The following NKAIN3 variants were observed in gnomAD, a reference collection of about 807,000 sequenced individuals.
NKAIN3 encodes sodium/potassium-transporting ATPase subunit beta-1-interacting protein 3.
A neutral mutation model predicts 30.2 loss-of-function variants in NKAIN3; 25 were observed. That is an observed-to-expected ratio of 0.83 (90% CI 0.60 to 1.16). The LOEUF is 1.16. Among genes scored for constraint, NKAIN3 ranks in the 50% most tolerant of loss-of-function variants. NKAIN3 has a pLI of 0.00. For synonymous variants in NKAIN3, 91 were observed against 89.6 expected, an observed-to-expected ratio of 1.02 and a Z score of -0.09; for missense variants, 225 against 254.1, an observed-to-expected ratio of 0.89 and a Z score of 0.78.
In NKAIN3 at chr8:62,967,066, A is replaced by G. The variant is rs1823731405; in HGVS notation, c.*1659A>G. Among the ~76,000 whole-genome samples, 1 of 152,022 alleles carries G rather than the reference A, an allele frequency of 6.6e-6. No homozygotes were observed. The highest frequency in any genetic ancestry group is 1.5e-5 in the Non-Finnish European group (1 of 68,016). On this transcript the variant is annotated 3_prime_UTR_variant, in exon 7 of 7. Coordinates refer to ENST00000623646, the MANE Select transcript of NKAIN3 (RefSeq NM_001304533.3). Reference sequence around the variant, plus strand: ...CCCTTTAATCCATTGGTACCCACAAACTCCCATTACTTTTTTTTCTGCTTA... The same window carrying G: ...CCCTTTAATCCATTGGTACCCACAAGCTCCCATTACTTTTTTTTCTGCTTA...
chr8:62,777,288 C>G (rs1817221908), intron 4 of NKAIN3, among the ~76,000 whole-genome samples: 1 of 152,014 alleles, frequency 6.6e-6, no homozygotes, highest in East Asian at 1.9e-4. Context: ...ACTTTTTAAC[C>G]CTATCTCTCT....
At chr8:62,321,897 G>A (rs140332226) in intron 1 of NKAIN3, among the ~76,000 whole-genome samples, 56 of 152,264 alleles carry the variant, frequency 3.7e-4, no homozygotes, top group Middle Eastern at 3.4e-3. Context: ...TTTCTACTGC[G>A]TTTTGTTTGG....
In NKAIN3 at chr8:62,912,796, C is replaced by A. The variant is rs536520670; in HGVS notation, c.472-5657C>A. On this transcript the variant is annotated intron_variant, in intron 4 of 6. Coordinates refer to ENST00000623646, the MANE Select transcript of NKAIN3 (RefSeq NM_001304533.3). ...TGGTGGTGCATGCCTGTAATCCCAGCGACTCGGGAGGCTGAGGCAGGAGAA... is the reference window on the plus strand; with the variant it reads ...TGGTGGTGCATGCCTGTAATCCCAGAGACTCGGGAGGCTGAGGCAGGAGAA... Among the ~76,000 whole-genome samples, 9 of 152,096 alleles carry A rather than the reference C, an allele frequency of 5.9e-5. No individual in the cohort carries two copies. The East Asian group carries it at 1.4e-3, about 23-fold the overall frequency.
chr8:62,754,255 CA>C (rs1816377490), intron 4 of NKAIN3, among the ~76,000 whole-genome samples: 2 of 151,902 alleles, frequency 1.3e-5, no homozygotes, highest in Non-Finnish European at 2.9e-5. Context: ...GTGGACTGCT[CA>C]GTTCTGGGGT....
intron 4 of NKAIN3, among the ~76,000 whole-genome samples, chr8:62,789,372 C>A (rs749504224): frequency 4.6e-5 from 7 of 152,114 alleles, no homozygotes; most frequent in Non-Finnish European, 8.8e-5. Context: ...GTGATTTTTG[C>A]ACATTTATTT....
At chr8:62,257,931 T>C (rs904497975) in intron 1 of NKAIN3, among the ~76,000 whole-genome samples, 7 of 152,180 alleles carry the variant, frequency 4.6e-5, no homozygotes, top group Non-Finnish European at 7.4e-5. Context: ...TTATTTTCCT[T>C]AGGAGAATAA....
chr8:62,712,347 G>A (rs190766308), intron 3 of NKAIN3, among the ~76,000 whole-genome samples: 10 of 152,236 alleles, frequency 6.6e-5, no homozygotes, highest in Non-Finnish European at 1.3e-4. Flanking sequence ...GGTAGGGAAG[G>A]ACCATCAGGT....
chr8:62,808,154 G>A (rs1464540930), intron 4 of NKAIN3, among the ~76,000 whole-genome samples: 1 of 151,948 alleles, frequency 6.6e-6, no homozygotes, highest in Non-Finnish European at 1.5e-5. Flanking sequence ...TATTTTTATA[G>A]CAGCTGATTA....
intron 3 of NKAIN3, among the ~76,000 whole-genome samples, chr8:62,660,088 G>A (rs907970497): frequency 5.3e-5 from 8 of 152,164 alleles, no homozygotes; most frequent in South Asian, 2.1e-4. Context: ...AGGTCTGCCT[G>A]CTTATCTGAC....
chr8:62,713,263 A>G (rs1814782775), intron 3 of NKAIN3, among the ~76,000 whole-genome samples: 1 of 152,194 alleles, frequency 6.6e-6, no homozygotes, highest in South Asian at 2.1e-4. Context: ...TGACTCTCAT[A>G]GCATATGACA....
At chr8:62,605,419 G>C (rs1032131343) in intron 3 of NKAIN3, among the ~76,000 whole-genome samples, 1 of 151,652 alleles carries the variant, frequency 6.6e-6, no homozygotes, top group Admixed American at 6.6e-5. Context: ...ACTGAAAACC[G>C]TGCCTATATC....
At chr8:62,700,044 G>A (rs1003132277) in intron 3 of NKAIN3, among the ~76,000 whole-genome samples, 1 of 152,058 alleles carries the variant, frequency 6.6e-6, no homozygotes, top group African/African-American at 2.4e-5. Context: ...GTAGGCACTA[G>A]AGCCCAGGAT....
At chr8:62,745,248 C>A (rs996212749) in intron 3 of NKAIN3, among the ~76,000 whole-genome samples, 1 of 152,188 alleles carries the variant, frequency 6.6e-6, no homozygotes, top group Non-Finnish European at 1.5e-5. Flanking sequence ...CTCAAAGGAA[C>A]CTTGGAATGC....
chr8:62,828,253 G>A (rs1819085966), intron 4 of NKAIN3, among the ~76,000 whole-genome samples: 1 of 152,054 alleles, frequency 6.6e-6, no homozygotes, highest in African/African-American at 2.4e-5. Context: ...GGTTATAGGT[G>A]GGGTAAGAAT....
intron 1 of NKAIN3, among the ~76,000 whole-genome samples, chr8:62,493,055 G>T (rs1388535292): frequency 2.0e-5 from 3 of 152,126 alleles, no homozygotes; most frequent in Admixed American, 6.6e-5. Context: ...AGTTGAATTA[G>T]ATCCCATTTG....
chr8:62,458,461 A>G (rs1246785691), intron 1 of NKAIN3, among the ~76,000 whole-genome samples: 1 of 152,180 alleles, frequency 6.6e-6, no homozygotes, highest in Non-Finnish European at 1.5e-5. Flanking sequence ...GATAGATCCA[A>G]CCCTATGACA....
intron 4 of NKAIN3, among the ~76,000 whole-genome samples, chr8:62,898,311 C>G (rs1209825494): frequency 6.6e-6 from 1 of 152,142 alleles, no homozygotes; most frequent in African/African-American, 2.4e-5. Context: ...ATGAAACCAA[C>G]CTAAGTGTCC....
At chr8:62,627,424 C>T (rs1416803386) in intron 3 of NKAIN3, among the ~76,000 whole-genome samples, 1 of 151,910 alleles carries the variant, frequency 6.6e-6, no homozygotes, top group African/African-American at 2.4e-5. Flanking sequence ...TGGCTGGGAC[C>T]AGGGATGGTG....
At chr8:62,903,273 G>T (rs1356309835) in intron 4 of NKAIN3, among the ~76,000 whole-genome samples, 1 of 152,162 alleles carries the variant, frequency 6.6e-6, no homozygotes, top group African/African-American at 2.4e-5. Flanking sequence ...ATAATTTCAG[G>T]CTTCACTTGG....
Sources: allele counts gnomAD v4.1 joint callset (sites outside exome capture counted in the v4.1 genomes callset), GRCh38; gene constraint gnomAD v4.1.1; transcripts MANE v1.5; gene names NCBI Gene and HGNC (gene_info 2026-07-23, HGNC 2026-07-21).